TMEM135: variants seen among roughly 807,000 people sequenced by gnomAD.
TMEM135 encodes the protein peroxisomal membrane protein 52.
A neutral mutation model predicts 60.3 loss-of-function variants in TMEM135; 30 were observed. The observed-to-expected ratio is 0.50, with a 90% CI of 0.37 to 0.68. The LOEUF (loss-of-function observed/expected upper bound fraction) is 0.68. TMEM135 is among the 30% of genes least tolerant of loss of function. The pLI, the probability that TMEM135 is intolerant of heterozygous loss-of-function variation, is 0.00. For synonymous variants in TMEM135, 190 were observed against 186.7 expected, an observed-to-expected ratio of 1.02 and a Z score of -0.14; for missense variants, 468 against 548.8, an observed-to-expected ratio of 0.85 and a Z score of 1.47.
At chr11:87,039,056 A>G (rs976218874) in intron 1 of TMEM135, among the ~76,000 whole-genome samples, 8 of 152,218 alleles carry the variant, frequency 5.3e-5, no homozygotes, top group African/African-American at 1.4e-4. Flanking sequence ...TGTCCTAAGA[A>G]GACAGATCAT....
chr11:87,113,292 A>C (rs986382595), intron 4 of TMEM135, among the ~76,000 whole-genome samples: 7 of 152,100 alleles, frequency 4.6e-5, no homozygotes, highest in Non-Finnish European at 1.0e-4. Context: ...TATTTAAAGA[A>C]AAATAGAGAA....
rs370958998 is a variant in TMEM135 at position 87,110,674 on chromosome 11, A to G, written c.396+19279A>G. On this transcript the variant is annotated intron_variant, in intron 4 of 14. Coordinates refer to ENST00000305494, the MANE Select transcript of TMEM135 (RefSeq NM_022918.4). ...AATGGATTATTCCACTAGGTAAGAG[A>G]TGAGTAATTTAAAGAAATGTTTTTT... 2.6e-5 allele frequency among the ~76,000 whole-genome samples: 4 copies of G among 152,192 alleles called. No homozygotes were observed. The East Asian group carries it at 7.7e-4, about 29-fold the overall frequency.
intron 6 of TMEM135, among the ~76,000 whole-genome samples, chr11:87,254,623 G>A (rs571350): frequency 0.72 from 109,380 of 152,102 alleles, 39,809 homozygotes; most frequent in Non-Finnish European, 0.76. Flanking sequence ...TAGTTGAAGT[G>A]CAGTGCCAAT....
chr11:87,121,919 C>T (rs953216714), intron 4 of TMEM135, among the ~76,000 whole-genome samples: 2 of 152,080 alleles, frequency 1.3e-5, no homozygotes, highest in African/African-American at 2.4e-5. Context: ...GGATTATAGG[C>T]GTAAGCCACT....
intron 1 of TMEM135, among the ~76,000 whole-genome samples, chr11:87,054,686 C>T (rs1949875345): frequency 2.0e-5 from 3 of 152,032 alleles, no homozygotes; most frequent in Admixed American, 1.3e-4. Context: ...TGTGATTAAT[C>T]CACTTTGGGA....
At chr11:87,180,489 A>G (rs1939488294) in intron 5 of TMEM135, among the ~76,000 whole-genome samples, 1 of 152,112 alleles carries the variant, frequency 6.6e-6, no homozygotes, top group Non-Finnish European at 1.5e-5. Context: ...GTGTTGGGGA[A>G]ATTATGGAGA....
intron 5 of TMEM135, among the ~76,000 whole-genome samples, chr11:87,220,124 G>A (rs1011986900): frequency 6.6e-6 from 1 of 151,978 alleles, no homozygotes; most frequent in Non-Finnish European, 1.5e-5. Context: ...CACAAATGCC[G>A]GTTTATAATT....
intron 6 of TMEM135, among the ~76,000 whole-genome samples, chr11:87,269,579 A>C (rs1458296751): frequency 1.3e-5 from 2 of 150,394 alleles, no homozygotes; most frequent in African/African-American, 4.9e-5. Flanking sequence ...CCCACCTATG[A>C]GTGAGAACAT....
chr11:87,222,441 G>C (rs1351645181), intron 5 of TMEM135, among the ~76,000 whole-genome samples: 1 of 149,656 alleles, frequency 6.7e-6, no homozygotes, highest in Non-Finnish European at 1.5e-5. Flanking sequence ...TGAGCTTGCA[G>C]TGAGCCGAGA....
chr11:87,239,378 CAAACA>C (rs1337315902), intron 6 of TMEM135, among the ~76,000 whole-genome samples: 2 of 151,942 alleles, frequency 1.3e-5, no homozygotes, highest in Non-Finnish European at 2.9e-5. Flanking sequence ...GTATTACAAC[CAAACA>C]AAACAATATT....
chr11:87,259,319 A>T (rs1825470885), intron 6 of TMEM135: 1 of 331,500 alleles, frequency 3.0e-6, no homozygotes, highest in African/African-American at 2.1e-5. Flanking sequence ...TTTCCAAACC[A>T]CTGTACTTGC....
At chr11:87,041,802 G>T (rs1949752437) in intron 1 of TMEM135, among the ~76,000 whole-genome samples, 2 of 152,228 alleles carry the variant, frequency 1.3e-5, no homozygotes, top group African/African-American at 4.8e-5. Context: ...TATTTGGCAG[G>T]TCTGCCAGAG....
intron 7 of TMEM135, among the ~76,000 whole-genome samples, chr11:87,300,862 G>T (rs982344035): frequency 1.3e-4 from 20 of 152,148 alleles, no homozygotes; most frequent in Non-Finnish European, 1.3e-4. Flanking sequence ...CCTTATTCTG[G>T]CCTGGGACAG....
intron 1 of TMEM135, among the ~76,000 whole-genome samples, chr11:87,064,961 T>TCC (rs1565426263): frequency 7.3e-6 from 1 of 137,912 alleles, no homozygotes; most frequent in Non-Finnish European, 1.7e-5. Context: ...CTTTTTTTTT[T>TCC]TCCCCCCACT....
chr11:87,262,961 A>G (rs1941679555), intron 6 of TMEM135, among the ~76,000 whole-genome samples: 1 of 151,900 alleles, frequency 6.6e-6, no homozygotes, highest in South Asian at 2.1e-4. Context: ...TGTTTTTGTT[A>G]TAAGATATTG....
At chr11:87,077,660 A>C (rs60711353) in intron 3 of TMEM135, among the ~76,000 whole-genome samples, 20,891 of 152,240 alleles carry the variant, frequency 0.14, 1,515 homozygotes, top group Non-Finnish European at 0.16. Context: ...TTTGTTTTTA[A>C]TATATTCACA....
chr11:87,054,050 C>T (rs1297856289), intron 1 of TMEM135, among the ~76,000 whole-genome samples: 1 of 152,198 alleles, frequency 6.6e-6, no homozygotes, highest in African/African-American at 2.4e-5. Flanking sequence ...ATATGTGAGG[C>T]TCTGTCTTCC....
intron 6 of TMEM135, chr11:87,258,854 T>G: frequency 1.3e-6 from 1 of 790,756 alleles, no homozygotes. Flanking sequence ...ACAATCTAGA[T>G]CTTTCCAGGA....
chr11:87,245,206 G>A (rs1941237727), intron 6 of TMEM135, among the ~76,000 whole-genome samples: 1 of 151,610 alleles, frequency 6.6e-6, no homozygotes, highest in Non-Finnish European at 1.5e-5. Flanking sequence ...TTGCACTGTG[G>A]TCTGAGAGAC....
Sources: gnomAD v4.1 joint callset for allele counts (sites outside exome capture counted in the v4.1 genomes callset) on GRCh38, gnomAD v4.1.1 for gene constraint, MANE v1.5 for transcripts, NCBI Gene and HGNC (gene_info 2026-07-23, HGNC 2026-07-21) for gene names.